Variants in DOCK9 observed in about 807,000 individuals in gnomAD.
DOCK9 encodes dedicator of cytokinesis 9.
In DOCK9, 89 loss-of-function variants were observed where a neutral mutation model predicts 263.3. The observed-to-expected ratio is 0.34, with a 90% confidence interval of 0.28 to 0.40. The LOEUF is 0.40. Among genes scored for constraint, DOCK9 ranks in the 10% least tolerant of loss-of-function variants. The pLI, the probability that DOCK9 is intolerant of heterozygous loss-of-function variation, is 1.00. For missense variants in DOCK9, 2,140 were observed against 2,603.4 expected (o/e 0.82, Z 3.87); for synonymous variants, 976 against 973.1 (o/e 1.00, Z -0.06).
intron 47 of DOCK9, 56 bp from the exon 48 acceptor site, chr13:98,807,863 C>A: frequency 3.6e-6 from 5 of 1,399,446 alleles, no homozygotes; most frequent in Admixed American, 2.3e-5. Flanking sequence ...GGGCTTACCA[C>A]CTAGGAAGCG....
chr13:98,878,053 A>G (rs73556953), intron 27 of DOCK9, among the ~76,000 whole-genome samples: 8,569 of 152,210 alleles, frequency 0.056, 383 homozygotes, highest in African/African-American at 0.12. Context: ...GGTAATGTGA[A>G]GTCATTAAGG....
chr13:99,058,181 T>C (rs1237394508), intron 1 of DOCK9, among the ~76,000 whole-genome samples: 1 of 151,354 alleles, frequency 6.6e-6, no homozygotes, highest in Non-Finnish European at 1.5e-5. Flanking sequence ...TTTTTTTTTT[T>C]TGAGATGGAG....
At chr13:98,966,919 T>G (rs1186617397) in intron 1 of DOCK9, among the ~76,000 whole-genome samples, 2 of 152,208 alleles carry the variant, frequency 1.3e-5, no homozygotes, top group Non-Finnish European at 2.9e-5. Flanking sequence ...CAGCATCACC[T>G]GAAACATGTT....
At chr13:98,876,308 A>G (rs2043841364) in intron 27 of DOCK9, among the ~76,000 whole-genome samples, 1 of 152,170 alleles carries the variant, frequency 6.6e-6, no homozygotes, top group Admixed American at 6.5e-5. Context: ...CCTGGCCAAC[A>G]TGGTGAAACC....
chr13:98,837,638 C>T (rs1458137911), intron 38 of DOCK9, 29 bp from the exon 39 acceptor site: 4 of 1,533,084 alleles, frequency 2.6e-6, no homozygotes, highest in Non-Finnish European at 3.6e-6. Flanking sequence ...AAGATTACTG[C>T]CCAGTGGTTC....
intron 52 of DOCK9, 61 bp from the exon 53 acceptor site, chr13:98,794,809 G>A (rs2089147926): frequency 3.2e-6 from 5 of 1,576,730 alleles, no homozygotes; most frequent in Admixed American, 1.7e-5. Flanking sequence ...GCAATGCCAT[G>A]TTGCCATGTG....
chr13:99,055,954 A>T (rs2040899970), intron 1 of DOCK9, among the ~76,000 whole-genome samples: 1 of 152,136 alleles, frequency 6.6e-6, no homozygotes, highest in Non-Finnish European at 1.5e-5. Flanking sequence ...CACTGTCAGG[A>T]CCAAATATCA....
At chr13:99,065,350 C>A (rs967688225) in intron 1 of DOCK9, among the ~76,000 whole-genome samples, 1 of 152,130 alleles carries the variant, frequency 6.6e-6, no homozygotes, top group African/African-American at 2.4e-5. Context: ...GCTTTCTAAT[C>A]CCACCCAATC....
intron 1 of DOCK9, among the ~76,000 whole-genome samples, chr13:99,045,936 C>CAA (rs35637605): frequency 1.4e-5 from 2 of 138,250 alleles, no homozygotes; most frequent in African/African-American, 2.7e-5. Flanking sequence ...ACTAAAAATA[C>CAA]AAAAAAAAAA....
intron 2 of DOCK9, among the ~76,000 whole-genome samples, chr13:98,937,084 C>CAATGCCCAACATCATTTG (rs1350111663): frequency 6.6e-6 from 1 of 152,138 alleles, no homozygotes; most frequent in African/African-American, 2.4e-5. Context: ...TATATAGACC[C>CAATGCCCAACATCATTTG]AATGCCCAAC....
chr13:99,010,857 T>G (rs1410286326), intron 1 of DOCK9, among the ~76,000 whole-genome samples: 2 of 152,238 alleles, frequency 1.3e-5, no homozygotes, highest in East Asian at 3.8e-4. Context: ...CCATCCTTAG[T>G]GATGGTAAAA....
At chr13:98,887,128 TA>T (rs1555383780) in intron 18 of DOCK9, among the ~76,000 whole-genome samples, 1 of 61,152 alleles carries the variant, frequency 1.6e-5, no homozygotes, top group Non-Finnish European at 3.1e-5. Context: ...CTATATTTTA[TA>T]TATATATATA....
chr13:98,850,395 C>A (rs1390824358), intron 35 of DOCK9, among the ~76,000 whole-genome samples: 1 of 152,194 alleles, frequency 6.6e-6, no homozygotes, highest in East Asian at 1.9e-4. Flanking sequence ...TTATTCGTAA[C>A]ATGCTCTTAA....
At chr13:98,876,704 C>T (rs550370849) in intron 27 of DOCK9, among the ~76,000 whole-genome samples, 8 of 152,130 alleles carry the variant, frequency 5.3e-5, no homozygotes, top group Non-Finnish European at 8.8e-5. Context: ...TCTTAAGATA[C>T]GAGACACACT....
intron 15 of DOCK9, among the ~76,000 whole-genome samples, chr13:98,889,775 A>G (rs978854673): frequency 1.2e-4 from 18 of 152,168 alleles, no homozygotes; most frequent in Non-Finnish European, 2.6e-4. Context: ...CCCCAATGTC[A>G]TTCTCTCCCA....
At chr13:99,068,344 G>C (rs1233050723) in intron 1 of DOCK9, among the ~76,000 whole-genome samples, 1 of 152,190 alleles carries the variant, frequency 6.6e-6, no homozygotes, top group Non-Finnish European at 1.5e-5. Flanking sequence ...AGCACTTTGG[G>C]AGCCCCAGGT....
chr13:98,830,304 C>T (rs566808567), intron 41 of DOCK9, among the ~76,000 whole-genome samples: 1 of 152,158 alleles, frequency 6.6e-6, no homozygotes, highest in Non-Finnish European at 1.5e-5. Flanking sequence ...CACCCAGTTA[C>T]AATCAGTCAC....
rs1019197517 is a variant in DOCK9, at chr13:99,075,685, T to C, written c.129+10538A>G. Among the ~76,000 whole-genome samples, 136 of 78,596 alleles carry C rather than the reference T, an allele frequency of 1.7e-3. 1 individual carries two copies. The highest frequency in any genetic ancestry group is 6.4e-3 in the African/African-American group (134 of 20,964). 51.6% of individuals were successfully genotyped at this position (78,596 alleles called of 152,430 possible). A position where few individuals can be genotyped will look rare whatever the true frequency, so the allele number is the denominator to read the frequency against. Reference sequence around the variant, plus strand: ...CAGACAATGGCACTATTTATAACTTTTTTTTTTTTTTAACTTAGCATGGTA... The same window carrying C: ...CAGACAATGGCACTATTTATAACTTCTTTTTTTTTTTAACTTAGCATGGTA... On this transcript the variant is annotated intron_variant, in intron 1 of 32. Coordinates refer to the DOCK9 transcript ENST00000427887.
In DOCK9 at chr13:98,921,165, C is replaced by T. The variant is rs2051918083; in HGVS notation, c.583-77G>A. 4 of 1,410,444 alleles carry T rather than the reference C, an allele frequency of 2.8e-6. No homozygotes were observed. In the South Asian group the frequency reaches 5.5e-5, roughly 19 times the overall value. The allele number at this position is 1,410,444 out of a possible 1,614,324, so 87.4% of individuals were successfully genotyped here. The stretch of plus-strand genomic sequence containing the variant: ...ATCTCTATCAATAACCCACTTATGA[C>T]TACATACATACATAAAACCTGTTTC... On this transcript the variant is annotated intron_variant, in intron 6 of 52. Coordinates refer to ENST00000682017, the MANE Select transcript of DOCK9 (RefSeq NM_001366683.2).
Sources: allele counts gnomAD v4.1 joint callset (sites outside exome capture counted in the v4.1 genomes callset), GRCh38; gene constraint gnomAD v4.1.1; transcripts MANE v1.5; gene names NCBI Gene and HGNC (gene_info 2026-07-23, HGNC 2026-07-21).